Variants in SLC7A14 observed in about 807,000 individuals in gnomAD.
SLC7A14 encodes gamma-aminobutyric acid transporter SLC7A14.
Under a neutral mutation model 60.2 loss-of-function variants are expected in SLC7A14, and 37 were observed. The ratio of observed to expected loss-of-function variants is 0.61; its 90% CI spans 0.47 to 0.81. The LOEUF (loss-of-function observed/expected upper bound fraction) is 0.81. Among genes scored for constraint, SLC7A14 ranks in the 30% least tolerant of loss-of-function variants. The pLI, the probability that SLC7A14 is intolerant of heterozygous loss-of-function variation, is 0.00. For synonymous variants in SLC7A14, 399 were observed against 395.8 expected, an observed-to-expected ratio of 1.01 and a Z score of -0.10; for missense variants, 886 against 982.7, an observed-to-expected ratio of 0.90 and a Z score of 1.32.
rs528541509 is a variant in SLC7A14 at position 170,460,503 on chromosome 3, G to A, written c.*6552C>T. On this transcript the variant is annotated 3_prime_UTR_variant, in exon 8 of 8. Coordinates refer to ENST00000231706, the MANE Select transcript of SLC7A14 (RefSeq NM_020949.3). ...AGGGTAAATCCTCGCCTTTGGGAGTGTGAATGAGACAAGCGTATCAGCAAC... is the reference window on the plus strand; with the variant it reads ...AGGGTAAATCCTCGCCTTTGGGAGTATGAATGAGACAAGCGTATCAGCAAC... 3.9e-5 allele frequency: 6 copies of A among 152,322 alleles called. No individual in the cohort carries two copies. Among genetic ancestry groups the A allele is most frequent in the African/African-American group, 1.4e-4 (6 of 41,570 alleles). 9.4% of individuals were successfully genotyped at this position (152,322 alleles called of 1,614,324 possible).
chr3:170,525,264 GA>G (rs1370978665), intron 2 of SLC7A14, among the ~76,000 whole-genome samples: 1 of 152,236 alleles, frequency 6.6e-6, no homozygotes, highest in African/African-American at 2.4e-5. Context: ...ATTCTGGGAA[GA>G]TACCGTAGAT....
chr3:170,584,589 C>T (rs1393295679), intron 1 of SLC7A14, among the ~76,000 whole-genome samples: 1 of 152,182 alleles, frequency 6.6e-6, no homozygotes, highest in East Asian at 1.9e-4. Context: ...AAAGGCAAAG[C>T]CCCTTCTTCT....
intron 1 of SLC7A14, among the ~76,000 whole-genome samples, chr3:170,552,819 A>C (rs1231378527): frequency 6.6e-6 from 1 of 152,212 alleles, no homozygotes; most frequent in Non-Finnish European, 1.5e-5. Context: ...CCTTGCTTGA[A>C]AGCTTTCGAT....
chr3:170,582,042 G>A (rs983938067), intron 1 of SLC7A14, among the ~76,000 whole-genome samples: 35 of 152,040 alleles, frequency 2.3e-4, no homozygotes, highest in Non-Finnish European at 4.0e-4. Context: ...CTCATTCATG[G>A]AATATTTTAC....
intron 2 of SLC7A14, among the ~76,000 whole-genome samples, chr3:170,505,714 C>A (rs561443266): frequency 2.0e-5 from 3 of 152,088 alleles, no homozygotes; most frequent in Non-Finnish European, 4.4e-5. Context: ...GGTGAAACAC[C>A]GTCTCTACTA....
At position 170,467,030 on chromosome 3, in the gene SLC7A14, A is replaced by G; in HGVS notation, c.*25T>C. The G allele has an allele frequency of 1.9e-6, 3 of 1,551,476 alleles. No individual in the cohort carries two copies. Among genetic ancestry groups the G allele is most frequent in the Non-Finnish European group, 2.6e-6 (3 of 1,146,064 alleles). On this transcript the variant is annotated 3_prime_UTR_variant, in exon 8 of 8. Coordinates refer to ENST00000231706, the MANE Select transcript of SLC7A14 (RefSeq NM_020949.3). The stretch of plus-strand genomic sequence containing the variant: ...AAGTTACTGAAAATCAGTCATCACC[A>G]TTTCTACCCACTTGTGTGTTTCTCC...
intron 4 of SLC7A14, chr3:170,496,618 A>C (rs1712405128): frequency 3.8e-6 from 6 of 1,558,654 alleles, no homozygotes; most frequent in Middle Eastern, 4.0e-4. Context: ...AAGCTGCTGG[A>C]GGGCGAGGAG....
intron 5 of SLC7A14, among the ~76,000 whole-genome samples, chr3:170,484,426 C>T (rs1433282629): frequency 6.6e-6 from 1 of 152,196 alleles, no homozygotes; most frequent in East Asian, 1.9e-4. Context: ...TGGGGGCTCC[C>T]AGGACCTACT....
chr3:170,519,960 G>T (rs866515620), intron 2 of SLC7A14, among the ~76,000 whole-genome samples: 6 of 152,188 alleles, frequency 3.9e-5, no homozygotes, highest in Non-Finnish European at 7.4e-5. Flanking sequence ...GAAAAATAAA[G>T]GGGCCTCTGT....
rs149414321 is a variant in SLC7A14, at chr3:170,541,338, C to T, written c.-152-14250G>A. On this transcript the variant is annotated intron_variant, in intron 1 of 7. Coordinates refer to ENST00000231706, the MANE Select transcript of SLC7A14 (RefSeq NM_020949.3). ...ATTGGCCAGGTGTTATGGTTCACACCTGTAATCCCAGCACTTTGGGAAGCC... is the reference window on the plus strand; with the variant it reads ...ATTGGCCAGGTGTTATGGTTCACACTTGTAATCCCAGCACTTTGGGAAGCC... 7.2e-5 allele frequency among the ~76,000 whole-genome samples: 11 copies of T among 152,258 alleles called. No homozygotes were observed. The East Asian group carries it at 2.1e-3, about 29-fold the overall frequency.
intron 4 of SLC7A14, among the ~76,000 whole-genome samples, chr3:170,487,557 C>T (rs1309041387): frequency 3.9e-5 from 6 of 152,058 alleles, no homozygotes; most frequent in Non-Finnish European, 8.8e-5. Flanking sequence ...TGACACTTGT[C>T]CAAAATTGTC....
At chr3:170,505,612 G>T (rs74286686) in intron 2 of SLC7A14, among the ~76,000 whole-genome samples, 8 of 152,162 alleles carry the variant, frequency 5.3e-5, no homozygotes. Context: ...ATGGCCGGGC[G>T]CGGTGGCTCA....
rs1186028346 is a variant in SLC7A14 at position 170,585,051 on chromosome 3, G to C, written c.-153+860C>G. Among the ~76,000 whole-genome samples the C allele has an allele frequency of 1.3e-5, 2 of 152,184 alleles. No homozygotes were observed. The highest frequency in any genetic ancestry group is 2.9e-5 in the Non-Finnish European group (2 of 68,014). On this transcript the variant is annotated intron_variant, in intron 1 of 7. Coordinates refer to ENST00000231706, the MANE Select transcript of SLC7A14 (RefSeq NM_020949.3). The surrounding 1 kb of genome is among the most constrained non-coding windows in gnomAD (Gnocchi z 5.1). ...ATCGCAATATAAAATACTCATTTGG[G>C]GAGGGGGCAGGGTGACACAGGAGAG...
intron 1 of SLC7A14, among the ~76,000 whole-genome samples, chr3:170,555,798 A>G (rs572055607): frequency 2.5e-4 from 38 of 152,188 alleles, no homozygotes; most frequent in Non-Finnish European, 4.7e-4. Context: ...AAACACCATT[A>G]TATAGCACAT....
chr3:170,547,609 T>C (rs892638025), intron 1 of SLC7A14, among the ~76,000 whole-genome samples: 20 of 152,140 alleles, frequency 1.3e-4, no homozygotes, highest in African/African-American at 4.6e-4. Context: ...TTCATAGTCT[T>C]TGTGTTGAGT....
At chr3:170,496,728 C>A in intron 4 of SLC7A14, 2 of 791,988 alleles carry the variant, frequency 2.5e-6, no homozygotes, top group Non-Finnish European at 4.5e-6. Flanking sequence ...GCCTCACAAG[C>A]CCTGGCCTCA....
Position 170,463,693 on chromosome 3 carries a change from T to A in SLC7A14, c.*3362A>T, listed in dbSNP as rs1739653140. 6.6e-6 allele frequency: 1 copy of A among 152,226 alleles called. No individual in the cohort carries two copies. The highest frequency in any genetic ancestry group is 2.4e-5 in the African/African-American group (1 of 41,450). The allele number at this position is 152,226 out of a possible 1,614,324, so 9.4% of individuals were successfully genotyped here. A position where few individuals can be genotyped will look rare whatever the true frequency, so the allele number is the denominator to read the frequency against. On this transcript the variant is annotated 3_prime_UTR_variant, in exon 8 of 8. Coordinates refer to ENST00000231706, the MANE Select transcript of SLC7A14 (RefSeq NM_020949.3). ...CCACCACACCAAGCTCTATTTCCTC[T>A]ACTTCTTAAGAGCTGGATTTTTATC...
Position 170,535,275 on chromosome 3 carries a change from G to C in SLC7A14, c.-152-8187C>G, listed in dbSNP as rs190877645. Among the ~76,000 whole-genome samples, 321 of 152,114 alleles carry C rather than the reference G, an allele frequency of 2.1e-3. 1 individual carries two copies. The highest frequency in any genetic ancestry group is 7.3e-3 in the African/African-American group (304 of 41,496). ...TTAACAAAACCAGAGTTCAGGAAAT[G>C]AAAAACTCTTCATTAATCAGATATT... is the stretch of plus-strand genomic sequence containing the variant. On this transcript the variant is annotated intron_variant, in intron 1 of 7. Coordinates refer to ENST00000231706, the MANE Select transcript of SLC7A14 (RefSeq NM_020949.3). This position sits in a 1 kb window ranked among gnomAD's most constrained non-coding sequence, Gnocchi z 4.3.
At chr3:170,569,638 C>T (rs561881052) in intron 1 of SLC7A14, among the ~76,000 whole-genome samples, 2 of 152,258 alleles carry the variant, frequency 1.3e-5, no homozygotes, top group Admixed American at 6.5e-5. Flanking sequence ...TCCATCTGGT[C>T]CTGGTCTCTT....
Sources: allele counts gnomAD v4.1 joint callset (sites outside exome capture counted in the v4.1 genomes callset), GRCh38; gene constraint gnomAD v4.1.1; non-coding constraint Gnocchi (gnomAD v3.1); transcripts MANE v1.5; gene names NCBI Gene and HGNC (gene_info 2026-07-23, HGNC 2026-07-21).